The following SACS variants were observed in gnomAD, a reference collection of about 807,000 sequenced individuals.
SACS encodes the protein sacsin.
A neutral mutation model predicts 348.0 loss-of-function variants in SACS; 197 were observed. The ratio of observed to expected loss-of-function variants is 0.57; its 90% CI spans 0.50 to 0.64. SACS has a LOEUF of 0.64. SACS is among the 30% of genes least tolerant of loss of function. The pLI, the probability that SACS is intolerant of heterozygous loss-of-function variation, is 0.00. For synonymous variants in SACS, 1,985 were observed against 1,910.6 expected (o/e 1.04, Z -1.02); for missense variants, 4,999 against 5,360.8 (o/e 0.93, Z 2.11).
intron 1 of SACS, among the ~76,000 whole-genome samples, chr13:23,420,189 A>G (rs1873868419): frequency 6.6e-6 from 1 of 152,070 alleles, no homozygotes; most frequent in Non-Finnish European, 1.5e-5. Flanking sequence ...TAGATACCCA[A>G]CTGGGGCCTG....
intron 2 of SACS, among the ~76,000 whole-genome samples, chr13:23,402,925 C>T (rs1242531681): frequency 6.6e-6 from 1 of 151,668 alleles, no homozygotes; most frequent in African/African-American, 2.4e-5. Context: ...CGCCTATAAT[C>T]CCAGCACTTT....
chr13:23,400,847 C>T (rs1872944972), intron 2 of SACS, among the ~76,000 whole-genome samples: 1 of 152,168 alleles, frequency 6.6e-6, no homozygotes, highest in East Asian at 1.9e-4. Flanking sequence ...CTAAACAAAA[C>T]CTTGATCTAC....
chr13:23,382,956 A>ATTT (rs67400239), intron 2 of SACS, among the ~76,000 whole-genome samples: 1 of 93,454 alleles, frequency 1.1e-5, no homozygotes, highest in African/African-American at 3.7e-5. Flanking sequence ...TGCCCAGCTA[A>ATTT]TTTTTTTTTT....
intron 1 of SACS, among the ~76,000 whole-genome samples, chr13:23,417,791 G>A (rs1043455535): frequency 6.6e-6 from 1 of 151,996 alleles, no homozygotes; most frequent in African/African-American, 2.4e-5. Context: ...CTACAAGGCC[G>A]GGTGCGGTGG....
At chr13:23,403,438 G>A (rs1336296902) in intron 2 of SACS, among the ~76,000 whole-genome samples, 1 of 152,084 alleles carries the variant, frequency 6.6e-6, no homozygotes, top group Non-Finnish European at 1.5e-5. Flanking sequence ...ACTTGTTATT[G>A]GTCTATTCAG....
At chr13:23,413,533 A>C (rs1255734360) in intron 1 of SACS, among the ~76,000 whole-genome samples, 1 of 152,180 alleles carries the variant, frequency 6.6e-6, no homozygotes, top group East Asian at 1.9e-4. Flanking sequence ...CGGACTTCTT[A>C]TTCTGCGTTT....
intron 2 of SACS, among the ~76,000 whole-genome samples, chr13:23,389,162 A>ATG (rs1007183835): frequency 4.6e-5 from 7 of 151,378 alleles, no homozygotes; most frequent in African/African-American, 1.4e-4. Context: ...TAAAACATAT[A>ATG]TGTGTGTGTA....
chr13:23,381,127 G>T (rs979397232), intron 2 of SACS, among the ~76,000 whole-genome samples: 1 of 152,178 alleles, frequency 6.6e-6, no homozygotes, highest in Non-Finnish European at 1.5e-5. Flanking sequence ...CTTTGCAAAT[G>T]CAAGTGTCAG....
chr13:23,342,589 G>A (rs1869337861), intron 9 of SACS, among the ~76,000 whole-genome samples: 5 of 152,184 alleles, frequency 3.3e-5, no homozygotes, highest in Admixed American at 3.3e-4. Context: ...CATTTCTTTT[G>A]AGTGTCATGT....
In SACS at chr13:23,337,891, A is replaced by G. The variant is rs764645489; in HGVS notation, c.5985T>C (p.Asp1995=). Residue 1995 remains aspartate (D), a synonymous_variant, in exon 10 of 10, where the codon GAT becomes GAC. Coordinates refer to ENST00000382292, the MANE Select transcript of SACS (RefSeq NM_014363.6). ...CATCTCTTCTTTTAAGTATAGAGTC[A>G]TCTAGAAATCTTACGTTCTTCATGG... The part of the protein sequence containing the change: ...WVSMKNVRFL[D]DSILKRRDVG... 9 of 1,613,824 alleles carry G rather than the reference A, an allele frequency of 5.6e-6. No individual in the cohort carries two copies. The South Asian group carries it at 8.8e-5, about 16-fold the overall frequency.
intron 2 of SACS, among the ~76,000 whole-genome samples, chr13:23,402,571 G>A (rs1043375783): frequency 6.6e-6 from 1 of 152,166 alleles, no homozygotes; most frequent in African/African-American, 2.4e-5. Flanking sequence ...GGAAACTTTG[G>A]TCATATGACA....
At chr13:23,399,029 A>AAAAAAAAAAAAAAAAAAAAC (rs1872838249) in intron 2 of SACS, among the ~76,000 whole-genome samples, 1 of 150,458 alleles carries the variant, frequency 6.6e-6, no homozygotes, top group Non-Finnish European at 1.5e-5. Flanking sequence ...CAAAAAAAAA[A>AAAAAAAAAAAAAAAAAAAAC]AAAAAAAACA....
chr13:23,391,687 C>A (rs986941845), intron 2 of SACS, among the ~76,000 whole-genome samples: 2 of 152,120 alleles, frequency 1.3e-5, no homozygotes, highest in African/African-American at 4.8e-5. Flanking sequence ...GGTTCCGTTT[C>A]CCCCTTTGCA....
chr13:23,356,097 C>G, intron 7 of SACS, 90 bp from the exon 8 acceptor site: 3 of 1,098,414 alleles, frequency 2.7e-6, no homozygotes, highest in Non-Finnish European at 4.0e-6. Flanking sequence ...AAAGCATGAG[C>G]CATTAAATGA....
At chr13:23,344,178 C>T (rs528445624) in intron 9 of SACS, among the ~76,000 whole-genome samples, 1 of 151,676 alleles carries the variant, frequency 6.6e-6, no homozygotes, top group African/African-American at 2.4e-5. Flanking sequence ...ACTAGAGATA[C>T]AAAAAAAGGG....
At chr13:23,353,037 CT>C (rs1566078148) in intron 9 of SACS, among the ~76,000 whole-genome samples, 2 of 152,166 alleles carry the variant, frequency 1.3e-5, no homozygotes, top group Non-Finnish European at 2.9e-5. Flanking sequence ...AAACCCAGAA[CT>C]TTTCAGGACA....
chr13:23,419,170 G>A (rs1420092153), intron 1 of SACS: 1 of 152,398 alleles, frequency 6.6e-6, no homozygotes, highest in Non-Finnish European at 1.5e-5. Flanking sequence ...GGAACCAGGG[G>A]CCCGTCCCTC....
intron 2 of SACS, among the ~76,000 whole-genome samples, chr13:23,409,993 A>T (rs2137958712): frequency 6.6e-6 from 1 of 152,330 alleles, no homozygotes; most frequent in Middle Eastern, 3.4e-3. Flanking sequence ...GTATAGACGA[A>T]ATTACCAATA....
chr13:23,338,551 A>G lies in SACS; in HGVS notation c.5325T>C (p.Ala1775=). 1 of 1,614,054 alleles carries G rather than the reference A, an allele frequency of 6.2e-7. No individual in the cohort carries two copies. ...EEFHHVFRRI[A]DLQSPLFRGP... ...CTCTAAAAAGTGGCGACTGTAAATC[A>G]GCAATCCTTCTGAACACATGGTGAA... The change falls in exon 10 of 10, where the codon GCT becomes GCC. Residue 1775 remains alanine (A), a synonymous_variant. Transcript: ENST00000382292.
Sources: gnomAD v4.1 joint callset for allele counts (sites outside exome capture counted in the v4.1 genomes callset) on GRCh38, gnomAD v4.1.1 for gene constraint, MANE v1.5 for transcripts, NCBI Gene and HGNC (gene_info 2026-07-23, HGNC 2026-07-21) for gene names.